The following PLCB4 variants were observed in gnomAD, a reference collection of about 807,000 sequenced individuals.
PLCB4 encodes 1-phosphatidylinositol 4,5-bisphosphate phosphodiesterase beta-4.
PLCB4 carries 77 observed loss-of-function variants against 178.8 expected under a neutral mutation model. The observed-to-expected ratio is 0.43, with a 90% CI of 0.36 to 0.52. The LOEUF (loss-of-function observed/expected upper bound fraction) is 0.52, where lower values mean the gene tolerates loss of function less well. Ranked by LOEUF, PLCB4 falls within the 20% of genes least tolerant of loss-of-function variation. PLCB4 has a pLI of 0.00. For synonymous variants in PLCB4, 496 were observed against 490.8 expected, an observed-to-expected ratio of 1.01 and a Z score of -0.14; for missense variants, 1,024 against 1,453.4, an observed-to-expected ratio of 0.70 and a Z score of 4.80.
intron 28 of PLCB4, among the ~76,000 whole-genome samples, chr20:9,424,311 C>T (rs1158595810): frequency 1.3e-5 from 2 of 152,036 alleles, no homozygotes; most frequent in African/African-American, 2.4e-5. Context: ...TCAATAGTAT[C>T]GCTAAAAGAT....
At chr20:9,387,672 C>G (rs2037790033) in intron 15 of PLCB4, 116 bp downstream of exon 15, 1 of 528,816 alleles carries the variant, frequency 1.9e-6, no homozygotes, top group South Asian at 3.4e-5. Context: ...CCTTCATATT[C>G]CCTTCTTCCA....
chr20:9,127,627 C>G (rs369944107), intron 2 of PLCB4, among the ~76,000 whole-genome samples: 1 of 142,376 alleles, frequency 7.0e-6, no homozygotes, highest in Non-Finnish European at 1.5e-5. Context: ...TTAAAAAAAA[C>G]GGTGGTAAAA....
intron 3 of PLCB4, among the ~76,000 whole-genome samples, chr20:9,301,210 C>G (rs897814303): frequency 6.6e-6 from 1 of 151,876 alleles, no homozygotes; most frequent in Non-Finnish European, 1.5e-5. Context: ...TGCTAAGTCC[C>G]TTTTTGCCCT....
chr20:9,305,571 G>C (rs1259040173), intron 3 of PLCB4, among the ~76,000 whole-genome samples: 1 of 151,928 alleles, frequency 6.6e-6, no homozygotes, highest in African/African-American at 2.4e-5. Context: ...TAAAACTTAA[G>C]ATTAAGCCTA....
intron 30 of PLCB4, among the ~76,000 whole-genome samples, chr20:9,440,189 CATT>C (rs2042025803): frequency 6.6e-6 from 1 of 152,176 alleles, no homozygotes. Flanking sequence ...CTGAACATAT[CATT>C]AAGTCAAAAA....
At chr20:9,461,096 G>A (rs150937637) in intron 35 of PLCB4, among the ~76,000 whole-genome samples, 121 of 152,150 alleles carry the variant, frequency 8.0e-4, no homozygotes, top group Middle Eastern at 3.4e-3. Context: ...GATACTTCAC[G>A]GAATACAGCA....
chr20:9,268,384 A>G (rs916610876), intron 3 of PLCB4, among the ~76,000 whole-genome samples: 3 of 152,156 alleles, frequency 2.0e-5, no homozygotes, highest in African/African-American at 7.2e-5. Flanking sequence ...CTGATATCCC[A>G]TTATTCCAAA....
At chr20:9,354,607 C>A (rs749777964) in intron 7 of PLCB4, among the ~76,000 whole-genome samples, 2 of 152,212 alleles carry the variant, frequency 1.3e-5, no homozygotes, top group Non-Finnish European at 2.9e-5. Flanking sequence ...AAGGGAACCA[C>A]ACTTGAGAAC....
At chr20:9,234,964 T>C (rs1243853405) in intron 3 of PLCB4, among the ~76,000 whole-genome samples, 1 of 152,232 alleles carries the variant, frequency 6.6e-6, no homozygotes, top group Non-Finnish European at 1.5e-5. Context: ...ACTCCATTAC[T>C]GCAGTTGCTT....
chr20:9,318,154 C>G (rs76941955), intron 4 of PLCB4, among the ~76,000 whole-genome samples: 1 of 145,782 alleles, frequency 6.9e-6, no homozygotes, highest in Non-Finnish European at 1.5e-5. Flanking sequence ...GATTCTGTCT[C>G]AAAAAAAAAA....
chr20:9,120,840 T>A (rs2091941495), intron 2 of PLCB4, among the ~76,000 whole-genome samples: 1 of 152,182 alleles, frequency 6.6e-6, no homozygotes, highest in South Asian at 2.1e-4. Flanking sequence ...CTTATCTGCC[T>A]TCCCTGAACT....
intron 3 of PLCB4, among the ~76,000 whole-genome samples, chr20:9,301,675 C>T (rs115824714): frequency 3.3e-5 from 5 of 152,078 alleles, no homozygotes; most frequent in African/African-American, 9.7e-5. Flanking sequence ...CCTCGACAGC[C>T]CACCTCAGCC....
chr20:9,320,773 A>G (rs981854682), intron 4 of PLCB4, among the ~76,000 whole-genome samples: 1 of 152,220 alleles, frequency 6.6e-6, no homozygotes, highest in Non-Finnish European at 1.5e-5. Flanking sequence ...GCTAGCCTAC[A>G]GTGGATCTCC....
chr20:9,277,233 T>C (rs1402841451), intron 3 of PLCB4, among the ~76,000 whole-genome samples: 1 of 152,066 alleles, frequency 6.6e-6, no homozygotes, highest in East Asian at 1.9e-4. Context: ...AAAGGACTAC[T>C]TAGCAACATA....
rs2035708251 is a variant in PLCB4 at position 9,365,597 on chromosome 20, T to C, written c.503+83T>C. ...CCAAAGAGAGAACCCTTCACAAGTATTTGTGTGTTAAATGCTTTAAAGATA... is the reference window on the plus strand; with the variant it reads ...CCAAAGAGAGAACCCTTCACAAGTACTTGTGTGTTAAATGCTTTAAAGATA... On this transcript the variant is annotated intron_variant, in intron 9 of 39. Coordinates refer to ENST00000378473, the MANE Select transcript of PLCB4 (RefSeq NM_001377142.1). 6.6e-6 allele frequency: 5 copies of C among 753,200 alleles called. No individual in the cohort carries two copies. In the Admixed American group the frequency reaches 6.7e-5, roughly 10 times the overall value. 46.7% of individuals were successfully genotyped at this position (753,200 alleles called of 1,614,324 possible).
chr20:9,198,534 T>C (rs2093501477), intron 2 of PLCB4, among the ~76,000 whole-genome samples: 1 of 152,190 alleles, frequency 6.6e-6, no homozygotes, highest in Non-Finnish European at 1.5e-5. Context: ...GCAGAACTAA[T>C]GTGAAAGGAG....
intron 1 of PLCB4, among the ~76,000 whole-genome samples, chr20:9,084,828 T>C (rs1457494951): frequency 6.6e-6 from 1 of 152,078 alleles, no homozygotes; most frequent in African/African-American, 2.4e-5. Flanking sequence ...AAAGAATATA[T>C]TTTCACAAGG....
In PLCB4 at chr20:9,408,650, A is replaced by C; in HGVS notation, c.1807A>C (p.Asn603His). The C allele has an allele frequency of 6.4e-7, 1 of 1,571,648 alleles. No individual in the cohort carries two copies. Among genetic ancestry groups the C allele is most frequent in the Non-Finnish European group, 8.8e-7 (1 of 1,141,636 alleles). Residue 603 changes from asparagine to histidine, a missense_variant, in exon 23 of 40, where the codon AAC (asparagine) becomes CAC (histidine). This residue lies in a region of PLCB4 where 263 missense variants were observed against 417.4 expected (regional missense o/e 0.63). Transcript: ENST00000378473. ...TTTTACAGAACGCAATATTCATTATAACATGTCTTCTTTTAATGAATCAGT... is the reference window on the plus strand; with the variant it reads ...TTTTACAGAACGCAATATTCATTATCACATGTCTTCTTTTAATGAATCAGT... ...HVAEERNIHYNMSSFNESVGL... is the reference protein window; with the variant it reads ...HVAEERNIHYHMSSFNESVGL...
chr20:9,346,555 C>T lies in PLCB4; in HGVS notation c.369+7518C>T, dbSNP rs145175134. Among the ~76,000 whole-genome samples the T allele has an allele frequency of 7.6e-4, 116 of 152,196 alleles. 1 individual carries two copies. The East Asian group carries it at 0.022, about 29-fold the overall frequency. On this transcript the variant is annotated intron_variant, in intron 7 of 39. Coordinates refer to ENST00000378473, the MANE Select transcript of PLCB4 (RefSeq NM_001377142.1). ...TCAAATGTGGGATGAGTGTGTAGGT[C>T]TCTGTGTTAATTTTTGTTTTGTTTT...
Sources: allele counts gnomAD v4.1 joint callset (sites outside exome capture counted in the v4.1 genomes callset), GRCh38; gene constraint gnomAD v4.1.1; regional missense constraint gnomAD v4.1.1; transcripts MANE v1.5; gene names NCBI Gene and HGNC (gene_info 2026-07-23, HGNC 2026-07-21).